CPD: variants seen among roughly 807,000 people sequenced by gnomAD.
CPD encodes the protein metallocarboxypeptidase D.
A neutral mutation model predicts 138.3 loss-of-function variants in CPD; 69 were observed. The observed-to-expected ratio is 0.50, with a 90% CI of 0.41 to 0.61. The LOEUF (loss-of-function observed/expected upper bound fraction) is 0.61. Ranked by LOEUF, CPD falls within the 20% of genes least tolerant of loss-of-function variation. The pLI is 0.00. For synonymous variants in CPD, 651 were observed against 642.1 expected (o/e 1.01, Z -0.21); for missense variants, 1,432 against 1,733.3 (o/e 0.83, Z 3.09).
rs1356946735 is a variant in CPD, at chr17:30,466,696, C to G, written c.*1882C>G. On this transcript the variant is annotated 3_prime_UTR_variant, in exon 21 of 21. Transcript: ENST00000225719. ...AGGGGCCTAAGAGTGGCTGCCCCTG[C>G]TTGGGACATTACAGCAAGTGAAACA... 4 of 152,558 alleles carry G rather than the reference C, an allele frequency of 2.6e-5. No individual in the cohort carries two copies. Among genetic ancestry groups the G allele is most frequent in the Admixed American group, 2.6e-4 (4 of 15,268 alleles). 9.5% of individuals were successfully genotyped at this position (152,558 alleles called of 1,614,324 possible).
chr17:30,428,427 T>G (rs1912478730), intron 7 of CPD, among the ~76,000 whole-genome samples: 2 of 152,152 alleles, frequency 1.3e-5, no homozygotes, highest in African/African-American at 4.8e-5. Flanking sequence ...ACAAAAAAGT[T>G]GAAACAACCC....
In CPD at chr17:30,442,360, T is replaced by C. The variant is rs753760998; in HGVS notation, c.2283T>C (p.Ile761=). ...AAACAAATTGCTTTGAAGTGACTATTGAACTAGGTTGTGTGAAATATCCAC... is the reference window on the plus strand; with the variant it reads ...AAACAAATTGCTTTGAAGTGACTATCGAACTAGGTTGTGTGAAATATCCAC... ...YLQTNCFEVT[I]ELGCVKYPLE... The change falls in exon 10 of 21, where the codon ATT becomes ATC. Residue 761 remains isoleucine, a synonymous_variant. Transcript: ENST00000225719. The C allele has an allele frequency of 5.0e-6, 8 of 1,613,386 alleles. No homozygotes were observed. The Admixed American group carries it at 1.0e-4, about 20-fold the overall frequency.
intron 12 of CPD, chr17:30,447,643 T>G (rs901257164): frequency 1.2e-4 from 18 of 152,192 alleles, no homozygotes; most frequent in Non-Finnish European, 2.4e-4. Flanking sequence ...CTTTTTTTTT[T>G]TAATTAGAAA....
chr17:30,433,805 T>TAGAA (rs1912629110), intron 8 of CPD, among the ~76,000 whole-genome samples: 1 of 152,252 alleles, frequency 6.6e-6, no homozygotes, highest in South Asian at 2.1e-4. Context: ...TGAACTCAAG[T>TAGAA]AGAACTTTGA....
intron 2 of CPD, among the ~76,000 whole-genome samples, chr17:30,407,178 G>T (rs1020773099): frequency 6.6e-6 from 1 of 152,134 alleles, no homozygotes; most frequent in Admixed American, 6.5e-5. Context: ...TGTATTCCAT[G>T]GTGTATATGT....
intron 3 of CPD, 74 bp from the exon 4 acceptor site, chr17:30,421,590 T>A: frequency 7.8e-7 from 1 of 1,279,982 alleles, no homozygotes; most frequent in East Asian, 2.3e-5. Flanking sequence ...AATTCTAGTA[T>A]CGGTGCAGAG....
rs2143288511 is a variant in CPD at position 30,379,619 on chromosome 17, C to T, written c.639C>T (p.Gly213=). ...SGASGRDNSR[G]RDLNRSFPDQ... ...CCAGCGGCCGCGACAATAGTCGCGG[C>T]CGCGACCTCAACCGAAGCTTTCCCG... The change falls in exon 1 of 21, where the codon GGC becomes GGT. Residue 213 remains glycine, a synonymous_variant. Coordinates refer to ENST00000225719, the MANE Select transcript of CPD (RefSeq NM_001304.5). This position sits in a 1 kb window ranked among gnomAD's most constrained non-coding sequence, Gnocchi z 7.0. The T allele has an allele frequency of 6.7e-7, 1 of 1,483,070 alleles. No homozygotes were observed. Among genetic ancestry groups the T allele is most frequent in the Non-Finnish European group, 8.8e-7 (1 of 1,132,170 alleles). The allele number at this position is 1,483,070 out of a possible 1,614,324, so 91.9% of individuals were successfully genotyped here.
chr17:30,462,041 G>C lies in CPD; in HGVS notation c.3795G>C (p.Gly1265=). The C allele has an allele frequency of 1.9e-6, 3 of 1,610,014 alleles. No homozygotes were observed. In the African/African-American group the frequency reaches 4.0e-5, roughly 22 times the overall value. The part of the protein sequence containing the change: ...GVHNIIAIAD[G]YQQQHSQVFV... ...ATAACATTATTGCCATCGCTGATGG[G>C]TACCAGCAACAACATTCACAGGTAA... is the stretch of plus-strand genomic sequence containing the variant. The change falls in exon 19 of 21, where the codon GGG becomes GGC. Residue 1265 remains glycine (G), a synonymous_variant. Transcript: ENST00000225719.
At chr17:30,444,052 T>G in intron 11 of CPD, 81 bp downstream of exon 11, 559 of 1,345,090 alleles carry the variant, frequency 4.2e-4, no homozygotes, top group Non-Finnish European at 5.2e-4. Flanking sequence ...TAGAACGTTC[T>G]AGAGAGCCTG....
chr17:30,420,948 A>C lies in CPD; in HGVS notation c.1102A>C (p.Asn368His). The C allele has an allele frequency of 3.1e-6, 5 of 1,613,922 alleles. No individual in the cohort carries two copies. The highest frequency in any genetic ancestry group is 4.2e-6 in the Non-Finnish European group (5 of 1,179,822). ...TTCACAGCTTCGACAGGAATGGGAG[A>C]ACAATCGTGAGTCTTTGATCACATT... is the stretch of plus-strand genomic sequence containing the variant. ...PASQLRQEWE[N>H]NRESLITLIE... Residue 368 changes from asparagine to histidine, a missense_variant, in exon 3 of 21, where the codon AAC (asparagine) becomes CAC (histidine). Coordinates refer to ENST00000225719, the MANE Select transcript of CPD (RefSeq NM_001304.5).
rs146042737 is a variant in CPD, at chr17:30,419,833, G to A, written c.995-1008G>A. Among the ~76,000 whole-genome samples the A allele has an allele frequency of 7.2e-5, 11 of 152,330 alleles. 1 individual carries two copies. The East Asian group carries it at 1.9e-3, about 27-fold the overall frequency. On this transcript the variant is annotated intron_variant, in intron 2 of 20. Transcript: ENST00000225719. Reference sequence around the variant, plus strand: ...TCAATGAAAGGGAAACAAATGCTTGGCATTATTTGTAAGTGCTGAATTAAC... The same window carrying A: ...TCAATGAAAGGGAAACAAATGCTTGACATTATTTGTAAGTGCTGAATTAAC...
At chr17:30,451,869 T>G in intron 14 of CPD, 23 bp downstream of exon 14, 1 of 1,610,866 alleles carries the variant, frequency 6.2e-7, no homozygotes, top group South Asian at 1.1e-5. Context: ...TTTAGGCTAC[T>G]AAAGTACTTA....
rs1308367251 is a variant in CPD at position 30,461,208 on chromosome 17, C to T, written c.3527C>T (p.Pro1176Leu). ...KDYSVTYGHC[P>L]EITVYTSCCY... ...TATAGTGTCACCTATGGCCATTGTC[C>T]GGAAATCACAGTATACACAAGCTGC... is the stretch of plus-strand genomic sequence containing the variant. Residue 1176 changes from proline to leucine, a missense_variant, in exon 18 of 21, where the codon CCG becomes CTG. Pro to Leu is a moderately conservative substitution (Grantham distance 98). Around this residue, in one of 6 missense-constraint regions of CPD, gnomAD observed 366 missense variants for 518.8 expected, o/e 0.71. Transcript: ENST00000225719. 3.2e-5 allele frequency: 51 copies of T among 1,604,798 alleles called. No homozygotes were observed. The highest frequency in any genetic ancestry group is 3.8e-5 in the Non-Finnish European group (45 of 1,176,408).
Position 30,469,646 on chromosome 17 carries a change from A to C in CPD, c.*4832A>C, listed in dbSNP as rs1913733977. ...GAAATTCTGAGACACAAATAAAAAA[A>C]GAAATTTTTTATTATGTGGTTCAAT... On this transcript the variant is annotated 3_prime_UTR_variant, in exon 21 of 21. Coordinates refer to ENST00000225719, the MANE Select transcript of CPD (RefSeq NM_001304.5). The C allele has an allele frequency of 6.6e-6, 1 of 152,186 alleles. No individual in the cohort carries two copies. The highest frequency in any genetic ancestry group is 2.1e-4 in the South Asian group (1 of 4,828). The allele number at this position is 152,186 out of a possible 1,614,324, so 9.4% of individuals were successfully genotyped here.
intron 15 of CPD, 122 bp from the exon 16 acceptor site, chr17:30,456,134 T>A (rs1913286127): frequency 1.5e-6 from 1 of 669,070 alleles, no homozygotes; most frequent in Non-Finnish European, 2.6e-6. Flanking sequence ...ATAGTAACAG[T>A]ATACTTAAGT....
At chr17:30,450,422 T>C (rs1913139663) in intron 13 of CPD, 1 of 152,234 alleles carries the variant, frequency 6.6e-6, no homozygotes, top group African/African-American at 2.4e-5. Flanking sequence ...GGACACTATA[T>C]TGAAAAATCT....
Position 30,379,774 on chromosome 17 carries a change from G to A in CPD, c.746+48G>A. The A allele has an allele frequency of 7.5e-7, 1 of 1,338,088 alleles. No homozygotes were observed. Among genetic ancestry groups the A allele is most frequent in the Non-Finnish European group, 9.7e-7 (1 of 1,031,308 alleles). 82.9% of individuals were successfully genotyped at this position (1,338,088 alleles called of 1,614,324 possible). A position where few individuals can be genotyped will look rare whatever the true frequency, so the allele number is the denominator to read the frequency against. ...CCGTCCGTGTGAGCCTCCAAGGGCCGAGGCTGGTTCCGGCACCCAGTAGGC... is the reference window on the plus strand; with the variant it reads ...CCGTCCGTGTGAGCCTCCAAGGGCCAAGGCTGGTTCCGGCACCCAGTAGGC... On this transcript the variant is annotated intron_variant, in intron 1 of 20. Transcript: ENST00000225719. The surrounding 1 kb of genome is among the most constrained non-coding windows in gnomAD (Gnocchi z 7.0).
chr17:30,401,444 ATCT>A (rs752342735), intron 2 of CPD, among the ~76,000 whole-genome samples: 16 of 94,488 alleles, frequency 1.7e-4, no homozygotes, highest in Admixed American at 1.3e-3. Flanking sequence ...CTTCTTCCTC[ATCT>A]TCTTCTTCTT....
chr17:30,384,503 CA>C (rs1478557949), intron 1 of CPD, among the ~76,000 whole-genome samples: 1 of 151,624 alleles, frequency 6.6e-6, no homozygotes, highest in African/African-American at 2.4e-5. Context: ...TTTTTTAGGT[CA>C]AAAAAATGGG....
Sources: gnomAD v4.1 joint callset for allele counts (sites outside exome capture counted in the v4.1 genomes callset) on GRCh38, gnomAD v4.1.1 for gene constraint, gnomAD v4.1.1 regional missense constraint, Gnocchi (gnomAD v3.1) non-coding constraint, MANE v1.5 for transcripts, NCBI Gene and HGNC (gene_info 2026-07-23, HGNC 2026-07-21) for gene names.